MMAA: variants seen among roughly 807,000 people sequenced by gnomAD.
MMAA encodes metabolism of cobalamin associated A.
Under a neutral mutation model 45.0 loss-of-function variants are expected in MMAA, and 41 were observed. That is an observed-to-expected ratio of 0.91 (90% CI 0.71 to 1.18). The LOEUF (loss-of-function observed/expected upper bound fraction) is 1.18. Ranked by LOEUF, MMAA falls within the 50% of genes most tolerant of loss-of-function variation. The pLI, the probability that MMAA is intolerant of heterozygous loss-of-function variation, is 0.00. For missense variants in MMAA, 460 were observed against 495.7 expected (o/e 0.93, Z 0.68); for synonymous variants, 154 against 178.2 (o/e 0.86, Z 1.08).
chr4:145,657,426 T>G lies in MMAA; in HGVS notation c.*1992T>G, dbSNP rs1728264275. 1 of 152,156 alleles carries G rather than the reference T, an allele frequency of 6.6e-6. No homozygotes were observed. Among genetic ancestry groups the G allele is most frequent in the South Asian group, 2.1e-4 (1 of 4,822 alleles). The allele number at this position is 152,156 out of a possible 1,614,324, so 9.4% of individuals were successfully genotyped here. On this transcript the variant is annotated 3_prime_UTR_variant, in exon 7 of 7. Coordinates refer to ENST00000649156, the MANE Select transcript of MMAA (RefSeq NM_172250.3). The stretch of plus-strand genomic sequence containing the variant: ...TATTCCCTCTCCCCATCTGTGATTA[T>G]ATTGTACTGGACTTCTGACTTGGTC...
chr4:145,639,520 A>G lies in MMAA; in HGVS notation c.381A>G (p.Leu127=), dbSNP rs990266810. 2.5e-6 allele frequency: 4 copies of G among 1,613,518 alleles called. No homozygotes were observed. The African/African-American group carries it at 5.3e-5, about 22-fold the overall frequency. ...CCCAGGTGCTTCTTCAGAAAGTATT[A>G]CTTTACCACAGAGAACAAGAACAAT... ...ELAQVLLQKV[L]LYHREQEQSN... The change falls in exon 2 of 7, where the codon TTA becomes TTG. Residue 127 remains leucine, a synonymous_variant. Coordinates refer to ENST00000649156, the MANE Select transcript of MMAA (RefSeq NM_172250.3).
At chr4:145,620,203 G>A (rs150204973) in intron 1 of MMAA, among the ~76,000 whole-genome samples, 86 of 152,286 alleles carry the variant, frequency 5.6e-4, no homozygotes, top group African/African-American at 2.0e-3. Context: ...ACTAAATACC[G>A]GTTTGTGTTC....
In MMAA at chr4:145,642,403, A is replaced by G. The variant is rs1431754443; in HGVS notation, c.480A>G (p.Ile160Met). The change falls in exon 3 of 7, where the codon ATA (isoleucine) becomes ATG (methionine). Residue 160 changes from isoleucine (I) to methionine (M), a missense_variant. Transcript: ENST00000649156. The part of the protein sequence containing the change: ...GPPGAGKSTF[I>M]EYFGKMLTER... ...CTGGTGCTGGAAAATCAACATTTAT[A>G]GAATATTTTGGAAAAATGCTTACTG... The G allele has an allele frequency of 6.2e-7, 1 of 1,614,064 alleles. No homozygotes were observed. Among genetic ancestry groups the G allele is most frequent in the African/African-American group, 1.3e-5 (1 of 74,934 alleles).
At position 145,651,153 on chromosome 4, in the gene MMAA, T is replaced by C; in HGVS notation, c.819+6T>C. The C allele has an allele frequency of 6.2e-7, 1 of 1,610,826 alleles. No homozygotes were observed. The highest frequency in any genetic ancestry group is 8.5e-7 in the Non-Finnish European group (1 of 1,177,210). On this transcript the variant is annotated splice_donor_region_variant and intron_variant, in intron 5 of 6. Coordinates refer to ENST00000649156, the MANE Select transcript of MMAA (RefSeq NM_172250.3). ...CAGGAGGAGATGAGCTGCAGGTAATTATTTTTATTTTTTCCCCCAAAAATA... is the reference window on the plus strand; with the variant it reads ...CAGGAGGAGATGAGCTGCAGGTAATCATTTTTATTTTTTCCCCCAAAAATA...
At chr4:145,641,323 G>C (rs942715409) in intron 2 of MMAA, among the ~76,000 whole-genome samples, 1 of 152,178 alleles carries the variant, frequency 6.6e-6, no homozygotes, top group Non-Finnish European at 1.5e-5. Flanking sequence ...TGCTATTCCA[G>C]TTCTTCCATC....
Position 145,651,083 on chromosome 4 carries a change from CT to C in MMAA, c.756del (p.Val253LeufsTer27), listed in dbSNP as rs1489525542. On this transcript the variant is annotated frameshift_variant, in exon 5 of 7. Coordinates refer to ENST00000649156, the MANE Select transcript of MMAA (RefSeq NM_172250.3). LOFTEE classifies it high-confidence loss of function. Reference protein sequence around the residue: ...ETVGVGQSEFAVADMVDMFVL... With the variant: ...ETVGVGQSEFXVADMVDMFVL... ...TCAGGTGTGGGTCAGTCGGAGTTTG[CT>C]GTTGCTGACATGGTTGACATGTTTG... 1.2e-6 allele frequency: 2 copies of C among 1,613,992 alleles called. No individual in the cohort carries two copies. Among genetic ancestry groups the C allele is most frequent in the African/African-American group, 2.7e-5 (2 of 74,912 alleles).
intron 1 of MMAA, among the ~76,000 whole-genome samples, chr4:145,628,749 T>C (rs1211558318): frequency 6.6e-6 from 1 of 152,224 alleles, no homozygotes; most frequent in Non-Finnish European, 1.5e-5. Flanking sequence ...GCCATTATTC[T>C]GCCTATCATA....
At chr4:145,631,045 C>T (rs1248404684) in intron 1 of MMAA, among the ~76,000 whole-genome samples, 1 of 152,130 alleles carries the variant, frequency 6.6e-6, no homozygotes. Flanking sequence ...TTGAATGTTT[C>T]AGGACTTGTT....
intron 3 of MMAA, among the ~76,000 whole-genome samples, 172 bp from the exon 4 acceptor site, chr4:145,645,814 G>T (rs1369629395): frequency 1.3e-5 from 2 of 152,168 alleles, no homozygotes; most frequent in Non-Finnish European, 2.9e-5. Context: ...GGCTTGAAAT[G>T]TTAAGATTAA....
At chr4:145,654,221 AG>A in intron 6 of MMAA, 78 bp downstream of exon 6, 1 of 1,512,922 alleles carries the variant, frequency 6.6e-7, no homozygotes, top group Non-Finnish European at 9.2e-7. Flanking sequence ...GTCCCAAACT[AG>A]ACATATAATC....
intron 1 of MMAA, among the ~76,000 whole-genome samples, chr4:145,636,560 T>A (rs755511301): frequency 3.9e-5 from 6 of 152,248 alleles, no homozygotes; most frequent in Admixed American, 6.5e-5. Context: ...TCTGCCTTAC[T>A]GAATTTCTTA....
chr4:145,625,695 A>G (rs1198297435), intron 1 of MMAA: 2 of 1,453,580 alleles, frequency 1.4e-6, no homozygotes, highest in East Asian at 4.5e-5. Context: ...TTGATTGGCT[A>G]GATCTTTGTT....
chr4:145,649,295 C>T (rs1292353951), intron 4 of MMAA, among the ~76,000 whole-genome samples: 1 of 152,212 alleles, frequency 6.6e-6, no homozygotes, highest in Admixed American at 6.5e-5. Flanking sequence ...AAGACCCAAT[C>T]TCTCTTTAAA....
chr4:145,624,951 C>G, intron 1 of MMAA: 1 of 1,189,650 alleles, frequency 8.4e-7, no homozygotes, highest in Non-Finnish European at 1.2e-6. Flanking sequence ...AACTCCATAC[C>G]TTTGGGCTGG....
chr4:145,625,641 T>G (rs1037142260), intron 1 of MMAA: 1 of 974,488 alleles, frequency 1.0e-6, no homozygotes, highest in Non-Finnish European at 1.7e-6. Flanking sequence ...TGAATCTTCA[T>G]ACTTAAGGGT....
rs1418446718 is a variant in MMAA at position 145,624,263 on chromosome 4, G to A, written c.-66+4856G>A. The stretch of plus-strand genomic sequence containing the variant: ...GCAGGGAGGCCATAATGGTCTGGGG[G>A]GAAGTTATATTCCTCCTGTAGAGGT... On this transcript the variant is annotated intron_variant, in intron 1 of 6. Transcript: ENST00000649156. 17 of 799,966 alleles carry A rather than the reference G, an allele frequency of 2.1e-5. No homozygotes were observed. In the East Asian group the frequency reaches 3.4e-4, roughly 16 times the overall value. 49.6% of individuals were successfully genotyped at this position (799,966 alleles called of 1,614,324 possible). A position where few individuals can be genotyped will look rare whatever the true frequency, so the allele number is the denominator to read the frequency against.
intron 1 of MMAA, chr4:145,626,020 C>T (rs928014526): frequency 1.9e-4 from 252 of 1,360,724 alleles, no homozygotes; most frequent in African/African-American, 2.9e-4. Flanking sequence ...CCACTCTGGT[C>T]TTGGAAGGTA....
intron 1 of MMAA, chr4:145,624,685 G>A (rs1734163482): frequency 6.6e-7 from 1 of 1,514,464 alleles, no homozygotes; most frequent in African/African-American, 1.4e-5. Context: ...TCAGGTTTGG[G>A]TTCCATGGGC....
At chr4:145,634,736 G>A (rs535109548) in intron 1 of MMAA, among the ~76,000 whole-genome samples, 36 of 151,860 alleles carry the variant, frequency 2.4e-4, no homozygotes, top group Non-Finnish European at 2.6e-4. Context: ...CCTTGGTATT[G>A]CTGCTGGGCC....
Sources: gnomAD v4.1 joint callset for allele counts (sites outside exome capture counted in the v4.1 genomes callset) on GRCh38, gnomAD v4.1.1 for gene constraint, MANE v1.5 for transcripts, NCBI Gene and HGNC (gene_info 2026-07-23, HGNC 2026-07-21) for gene names.